The following MACROD2 variants were observed in gnomAD, a reference collection of about 807,000 sequenced individuals.
MACROD2 encodes the protein ADP-ribose glycohydrolase MACROD2.
A neutral mutation model predicts 70.4 loss-of-function variants in MACROD2; 36 were observed. The observed-to-expected ratio is 0.51, with a 90% CI of 0.39 to 0.68. The LOEUF (loss-of-function observed/expected upper bound fraction) is 0.68. Ranked by LOEUF, MACROD2 falls within the 30% of genes least tolerant of loss-of-function variation. The pLI is 0.00. For synonymous variants in MACROD2, 172 were observed against 178.8 expected (o/e 0.96, Z 0.30); for missense variants, 496 against 538.4 (o/e 0.92, Z 0.78).
At chr20:14,597,100 A>T (rs568680924) in intron 4 of MACROD2, among the ~76,000 whole-genome samples, 4 of 152,284 alleles carry the variant, frequency 2.6e-5, no homozygotes, top group African/African-American at 9.6e-5. Flanking sequence ...TAGATAAAAG[A>T]TATATTTTAT....
At chr20:14,459,187 GT>G (rs5840619) in intron 3 of MACROD2, among the ~76,000 whole-genome samples, 65,306 of 151,576 alleles carry the variant, frequency 0.43, 15,847 homozygotes, top group East Asian at 0.82. Flanking sequence ...AAAATTAGAA[GT>G]TTTAAAATAT....
intron 8 of MACROD2, among the ~76,000 whole-genome samples, chr20:15,768,456 T>G (rs893459279): frequency 6.6e-6 from 1 of 152,192 alleles, no homozygotes; most frequent in African/African-American, 2.4e-5. Flanking sequence ...TCCACTTGTA[T>G]AGGGCACTTA....
chr20:15,757,680 C>A (rs1383036714), intron 8 of MACROD2, among the ~76,000 whole-genome samples: 2 of 152,122 alleles, frequency 1.3e-5, no homozygotes, highest in African/African-American at 4.8e-5. Context: ...AGTCCAAGAG[C>A]AGATTCGGTT....
At chr20:15,672,384 C>T (rs889963578) in intron 8 of MACROD2, among the ~76,000 whole-genome samples, 8 of 151,332 alleles carry the variant, frequency 5.3e-5, no homozygotes, top group African/African-American at 1.7e-4. Context: ...CACACACACA[C>T]ACGTAGAGTC....
At chr20:15,535,734 G>T (rs2047865819) in intron 8 of MACROD2, among the ~76,000 whole-genome samples, 1 of 152,168 alleles carries the variant, frequency 6.6e-6, no homozygotes, top group Admixed American at 6.5e-5. Context: ...CCACCTCTGG[G>T]TTTCCATCTT....
chr20:14,943,978 ATGG>A (rs1794456226), intron 5 of MACROD2, among the ~76,000 whole-genome samples: 1 of 152,180 alleles, frequency 6.6e-6, no homozygotes, highest in Admixed American at 6.5e-5. Flanking sequence ...TTACTATCAT[ATGG>A]TAAAATCTGA....
chr20:14,692,850 T>C (rs1315436736), intron 5 of MACROD2, among the ~76,000 whole-genome samples: 1 of 152,216 alleles, frequency 6.6e-6, no homozygotes, highest in Non-Finnish European at 1.5e-5. Flanking sequence ...TTTTGACCCA[T>C]TGTGATAACA....
intron 8 of MACROD2, among the ~76,000 whole-genome samples, chr20:15,709,690 AT>A (rs1376122433): frequency 1.3e-5 from 2 of 152,158 alleles, no homozygotes; most frequent in African/African-American, 4.8e-5. Context: ...AAAATATATT[AT>A]AATATTTATG....
At chr20:15,889,706 T>C (rs1335193022) in intron 10 of MACROD2, among the ~76,000 whole-genome samples, 1 of 152,166 alleles carries the variant, frequency 6.6e-6, no homozygotes, top group Non-Finnish European at 1.5e-5. Flanking sequence ...TCCATGACTA[T>C]GCACTGTTGA....
chr20:14,699,020 A>C (rs975622326), intron 5 of MACROD2, among the ~76,000 whole-genome samples: 6 of 152,022 alleles, frequency 3.9e-5, no homozygotes, highest in African/African-American at 1.4e-4. Flanking sequence ...GGTGTGCTGC[A>C]CATCTTTTTC....
intron 8 of MACROD2, among the ~76,000 whole-genome samples, chr20:15,718,687 A>G (rs893276099): frequency 3.3e-5 from 5 of 152,218 alleles, no homozygotes; most frequent in Non-Finnish European, 5.9e-5. Context: ...CTGTGATTTC[A>G]GAAGTCCACG....
intron 3 of MACROD2, among the ~76,000 whole-genome samples, chr20:14,292,298 TAC>T (rs2082393399): frequency 6.6e-6 from 1 of 151,822 alleles, no homozygotes. Context: ...GGGAGACACT[TAC>T]CAATGTCTGA....
intron 4 of MACROD2, among the ~76,000 whole-genome samples, chr20:14,544,019 A>G (rs544424427): frequency 3.0e-4 from 45 of 152,266 alleles, no homozygotes; most frequent in African/African-American, 9.9e-4. Flanking sequence ...ATCTGGACAC[A>G]AATAAGACAT....
intron 2 of MACROD2, among the ~76,000 whole-genome samples, chr20:14,079,543 A>T (rs1267728720): frequency 6.6e-6 from 1 of 152,208 alleles, no homozygotes; most frequent in Non-Finnish European, 1.5e-5. Flanking sequence ...GTAAAAAGAG[A>T]TGAAACATAT....
chr20:14,468,229 T>C (rs1203879055), intron 3 of MACROD2, among the ~76,000 whole-genome samples: 1 of 151,960 alleles, frequency 6.6e-6, no homozygotes, highest in African/African-American at 2.4e-5. Flanking sequence ...CATCCACTAT[T>C]ATTGTGTGGG....
chr20:14,295,087 A>C (rs2082416191), intron 3 of MACROD2, among the ~76,000 whole-genome samples: 1 of 151,790 alleles, frequency 6.6e-6, no homozygotes, highest in South Asian at 2.1e-4. Context: ...AAATCCCAGA[A>C]ATTATATCAC....
chr20:15,121,174 G>A (rs992411986), intron 5 of MACROD2, among the ~76,000 whole-genome samples: 15 of 152,218 alleles, frequency 9.9e-5, no homozygotes, highest in Middle Eastern at 3.4e-3. Context: ...GATATAATGC[G>A]TGAAGTACAG....
chr20:14,702,710 T>G (rs138337674), intron 5 of MACROD2, among the ~76,000 whole-genome samples: 6,488 of 140,468 alleles, frequency 0.046, 377 homozygotes, highest in East Asian at 0.14. Context: ...TATATATGTG[T>G]GTATATATAT....
intron 15 of MACROD2, among the ~76,000 whole-genome samples, chr20:16,031,446 A>G (rs977056572): frequency 1.3e-5 from 2 of 152,184 alleles, no homozygotes; most frequent in African/African-American, 4.8e-5. Flanking sequence ...AACAGTTCAC[A>G]TACACTAGAT....
Sources: gnomAD v4.1 joint callset for allele counts (sites outside exome capture counted in the v4.1 genomes callset) on GRCh38, gnomAD v4.1.1 for gene constraint, MANE v1.5 for transcripts, NCBI Gene and HGNC (gene_info 2026-07-23, HGNC 2026-07-21) for gene names.